The following SPTBN2 variants were observed in gnomAD, a reference collection of about 807,000 sequenced individuals.
SPTBN2 encodes the protein spectrin beta, non-erythrocytic 2.
SPTBN2 carries 107 observed loss-of-function variants against 284.2 expected under a neutral mutation model. That is an observed-to-expected ratio of 0.38 (90% CI 0.32 to 0.44). SPTBN2 has a LOEUF of 0.44. Among genes scored for constraint, SPTBN2 ranks in the 20% least tolerant of loss-of-function variants. The pLI, the probability that SPTBN2 is intolerant of heterozygous loss-of-function variation, is 1.00. For missense variants in SPTBN2, 2,569 were observed against 3,287.1 expected (o/e 0.78, Z 5.34); for synonymous variants, 1,289 against 1,354.8 (o/e 0.95, Z 1.07).
rs1388505920 is a variant in SPTBN2 at position 66,694,181 on chromosome 11, A to G, written c.4461T>C (p.Ser1487=). 6.2e-7 allele frequency: 1 copy of G among 1,612,464 alleles called. No individual in the cohort carries two copies. Among genetic ancestry groups the G allele is most frequent in the Non-Finnish European group, 8.5e-7 (1 of 1,180,034 alleles). The change falls in exon 22 of 38, where the codon TCT becomes TCC. Residue 1487 remains serine, a synonymous_variant. Coordinates refer to ENST00000533211, the MANE Select transcript of SPTBN2 (RefSeq NM_006946.4). ...MRERCRRLQA[S]REQHQFHRDV... is the part of the protein sequence containing the mutation. The stretch of plus-strand genomic sequence containing the variant: ...CGCGGTGGAACTGGTGCTGCTCGCG[A>G]GAAGCCTGCAGGCGCCGGCAGCGTT...
In SPTBN2 at chr11:66,721,242, G is replaced by A. The variant is rs1477017561; in HGVS notation, c.-2C>T. 1 of 1,614,192 alleles carries A rather than the reference G, an allele frequency of 6.2e-7. No individual in the cohort carries two copies. Among genetic ancestry groups the A allele is most frequent in the African/African-American group, 1.3e-5 (1 of 75,034 alleles). On this transcript the variant is annotated 5_prime_UTR_variant, in exon 3 of 38. Coordinates refer to ENST00000533211, the MANE Select transcript of SPTBN2 (RefSeq NM_006946.4). ...TGTGGGTGACAGCGTGCTGCTCATGGTGGTAGGCGGCTTCCTGCTCCTGCA... is the reference window on the plus strand; with the variant it reads ...TGTGGGTGACAGCGTGCTGCTCATGATGGTAGGCGGCTTCCTGCTCCTGCA...
chr11:66,711,943 T>C (rs1402900234), intron 8 of SPTBN2, among the ~76,000 whole-genome samples: 5 of 152,062 alleles, frequency 3.3e-5, no homozygotes, highest in Non-Finnish European at 7.4e-5. Context: ...AGGGAGAAAA[T>C]GGCCAAGACC....
intron 26 of SPTBN2, among the ~76,000 whole-genome samples, chr11:66,692,158 C>T (rs1353638574): frequency 6.6e-6 from 1 of 152,062 alleles, no homozygotes; most frequent in East Asian, 1.9e-4. Flanking sequence ...GCAGTGTCGA[C>T]CTCCCAGGCT....
In SPTBN2 at chr11:66,690,174, A is replaced by T. The variant is rs1940444568; in HGVS notation, c.5675T>A (p.Leu1892His). ...CCGGCGGGCGGCAGAGCTTCCCTGAAGCTGGGCCCAGGCCTCGGCCACGGC... is the reference window on the plus strand; with the variant it reads ...CCGGCGGGCGGCAGAGCTTCCCTGATGCTGGGCCCAGGCCTCGGCCACGGC... Reference protein sequence around the residue: ...MQAVAEAWAQLQGSSAARRQL... With the variant: ...MQAVAEAWAQHQGSSAARRQL... The change falls in exon 28 of 38, where the codon CTT becomes CAT. Residue 1892 changes from leucine (L) to histidine (H), a missense_variant. Around this residue, in one of 6 missense-constraint regions of SPTBN2, gnomAD observed 1,130 missense variants for 1,317.3 expected, o/e 0.86. Transcript: ENST00000533211. 1.2e-6 allele frequency: 2 copies of T among 1,614,080 alleles called. No homozygotes were observed. Among genetic ancestry groups the T allele is most frequent in the Non-Finnish European group, 8.5e-7 (1 of 1,180,012 alleles).
upstream of SPTBN2, among the ~76,000 whole-genome samples, chr11:66,732,266 C>T (rs934001364): frequency 6.6e-6 from 1 of 152,170 alleles, no homozygotes; most frequent in Non-Finnish European, 1.5e-5. Flanking sequence ...GGGATTTTAA[C>T]CCAATCTGAC....
rs767438423 is a variant in SPTBN2, at chr11:66,715,215, G to A, written c.483+7C>T. The A allele has an allele frequency of 1.2e-6, 2 of 1,614,148 alleles. No homozygotes were observed. Among genetic ancestry groups the A allele is most frequent in the East Asian group, 2.2e-5 (1 of 44,882 alleles). The stretch of plus-strand genomic sequence containing the variant: ...ACCACACCCTGTGTGACAGTGTGCT[G>A]GGGTACCTGGAATCGAAGGATGATG... On this transcript the variant is annotated splice_region_variant and intron_variant, in intron 5 of 37. Transcript: ENST00000533211. The surrounding 1 kb of genome is among the most constrained non-coding windows in gnomAD (Gnocchi z 5.3).
At position 66,688,278 on chromosome 11, in the gene SPTBN2, T is replaced by A. The variant is rs890981545; in HGVS notation, c.6265A>T (p.Arg2089Trp). ...TGTTTCCGCCGCTCCTCCTCCTCCC[T>A]CTTTCTCTTTCGCTCCTTCTCCCGC... ...EEREKERKRK[R>W]EEEERRKQPP... Residue 2089 changes from arginine to tryptophan, a missense_variant, in exon 32 of 38, where the codon AGG (arginine) becomes TGG (tryptophan). Arg to Trp is a moderately radical substitution (Grantham distance 101). Around this residue, in one of 6 missense-constraint regions of SPTBN2, gnomAD observed 1,130 missense variants for 1,317.3 expected, o/e 0.86. Coordinates refer to ENST00000533211, the MANE Select transcript of SPTBN2 (RefSeq NM_006946.4). The A allele has an allele frequency of 3.7e-6, 6 of 1,609,686 alleles. No individual in the cohort carries two copies. Among genetic ancestry groups the A allele is most frequent in the African/African-American group, 2.7e-5 (2 of 74,830 alleles).
intron 3 of SPTBN2, among the ~76,000 whole-genome samples, chr11:66,719,336 C>T (rs889918317): frequency 9.8e-5 from 15 of 152,366 alleles, no homozygotes; most frequent in South Asian, 2.1e-4. Flanking sequence ...TGCCCCCAGA[C>T]GCCCCGCTGC....
chr11:66,743,045 C>T (rs775886501), intron 1 of SPTBN2, among the ~76,000 whole-genome samples: 7 of 149,722 alleles, frequency 4.7e-5, no homozygotes, highest in African/African-American at 7.4e-5. Context: ...GGTCCGACAA[C>T]AAGCAGTCAT....
At chr11:66,714,208 G>A in intron 6 of SPTBN2, 37 bp from the exon 7 acceptor site, 1 of 1,611,178 alleles carries the variant, frequency 6.2e-7, no homozygotes, top group Non-Finnish European at 8.5e-7. Context: ...GAGTAGGGCT[G>A]AGCTCTGTTC....
At chr11:66,726,847 G>A (rs1030456586) in intron 1 of SPTBN2, among the ~76,000 whole-genome samples, 29 of 152,276 alleles carry the variant, frequency 1.9e-4, no homozygotes, top group African/African-American at 7.0e-4. Context: ...TGGGTGGACT[G>A]GCAGAGAGAT....
At chr11:66,716,866 T>A (rs1590972828) in intron 3 of SPTBN2, among the ~76,000 whole-genome samples, 1 of 151,968 alleles carries the variant, frequency 6.6e-6, no homozygotes, top group African/African-American at 2.4e-5. Flanking sequence ...AAGGAGAAGG[T>A]GTGGGCTAAA....
At chr11:66,694,676 A>C (rs1327915862) in intron 21 of SPTBN2, among the ~76,000 whole-genome samples, 1 of 152,256 alleles carries the variant, frequency 6.6e-6, no homozygotes, top group Non-Finnish European at 1.5e-5. Context: ...CGAATCTAAA[A>C]GATTGAAATT....
At position 66,687,207 on chromosome 11, in the gene SPTBN2, G is replaced by A. The variant is rs772436071; in HGVS notation, c.6723-40C>T. On this transcript the variant is annotated intron_variant, in intron 35 of 37. Transcript: ENST00000533211. The surrounding 1 kb of genome is among the most constrained non-coding windows in gnomAD (Gnocchi z 5.2). The stretch of plus-strand genomic sequence containing the variant: ...GTGCTGACTGGCCGGCCTCAGTGGC[G>A]CCCGCAACCTGGAGCCCTCTTGGGT... 28 of 1,610,632 alleles carry A rather than the reference G, an allele frequency of 1.7e-5. No homozygotes were observed. The East Asian group carries it at 5.6e-4, about 32-fold the overall frequency.
chr11:66,740,925 C>T (rs1942891497), intron 1 of SPTBN2, among the ~76,000 whole-genome samples: 2 of 152,126 alleles, frequency 1.3e-5, no homozygotes, highest in African/African-American at 2.4e-5. Context: ...AGAGAGGGCA[C>T]ATTCAAAAGG....
At chr11:66,734,692 G>C (rs1009794469) in intron 1 of SPTBN2, among the ~76,000 whole-genome samples, 4 of 152,162 alleles carry the variant, frequency 2.6e-5, no homozygotes, top group Admixed American at 2.6e-4. Context: ...CTCTTTTACA[G>C]CATGAGCGCC....
rs1942742205 is a variant in SPTBN2, at chr11:66,729,014, C to G, written c.-387G>C. 1 of 151,840 alleles carries G rather than the reference C, an allele frequency of 6.6e-6. No homozygotes were observed. Among genetic ancestry groups the G allele is most frequent in the African/African-American group, 2.4e-5 (1 of 41,240 alleles). The allele number at this position is 151,840 out of a possible 1,614,324, so 9.4% of individuals were successfully genotyped here. ...CAGATCAGATGCTCCAAACAGGCAT[C>G]TCAGCGCTTCTCAGCTCCTCTCATT... On this transcript the variant is annotated 5_prime_UTR_variant, in exon 1 of 38. Coordinates refer to ENST00000533211, the MANE Select transcript of SPTBN2 (RefSeq NM_006946.4).
In SPTBN2 at chr11:66,684,860, C is replaced by A. The variant is rs188104544; in HGVS notation, c.*1011G>T. 1.2e-3 allele frequency among the ~76,000 whole-genome samples: 184 copies of A among 152,224 alleles called. 2 individuals are homozygous for A. The highest frequency in any genetic ancestry group is 1.0e-3 in the South Asian group (5 of 4,822). ...GTGTGCTCAGCTTTCCACCACTGGGCTGAGCAGTGGCTGAGACTGGCTGGG... is the reference window on the plus strand; with the variant it reads ...GTGTGCTCAGCTTTCCACCACTGGGATGAGCAGTGGCTGAGACTGGCTGGG... On this transcript the variant is annotated 3_prime_UTR_variant, in exon 38 of 38. Transcript: ENST00000533211.
At position 66,683,787 on chromosome 11, in the gene SPTBN2, T is replaced by A. The variant is rs1939935560; in HGVS notation, c.*2084A>T. Among the ~76,000 whole-genome samples, 1 of 152,260 alleles carries A rather than the reference T, an allele frequency of 6.6e-6. No individual in the cohort carries two copies. The highest frequency in any genetic ancestry group is 1.5e-5 in the Non-Finnish European group (1 of 68,046). On this transcript the variant is annotated 3_prime_UTR_variant, in exon 38 of 38. Transcript: ENST00000533211. ...TGACATTTCCAATTATTGTTTCCCT[T>A]CAGTGCCCCCAGGCTTGCCAGCTTG...
Sources: allele counts gnomAD v4.1 joint callset (sites outside exome capture counted in the v4.1 genomes callset), GRCh38; gene constraint gnomAD v4.1.1; regional missense constraint gnomAD v4.1.1; non-coding constraint Gnocchi (gnomAD v3.1); transcripts MANE v1.5; gene names NCBI Gene and HGNC (gene_info 2026-07-23, HGNC 2026-07-21).